Variants in ZNF425 observed in about 807,000 individuals in gnomAD.
ZNF425 encodes zinc finger protein 425.
A neutral mutation model predicts 17.0 loss-of-function variants in ZNF425; 21 were observed. The observed-to-expected ratio is 1.23, with a 90% CI of 0.88 to 1.78. The LOEUF is 1.78. Among genes scored for constraint, ZNF425 ranks in the 40% most tolerant of loss-of-function variants. ZNF425 has a pLI of 0.00. For missense variants in ZNF425, 868 were observed against 967.3 expected (o/e 0.90, Z 1.36); for synonymous variants, 433 against 384.1 (o/e 1.13, Z -1.49).
At chr7:149,118,777 T>G (rs564265240) in intron 1 of ZNF425, 1 of 243,702 alleles carries the variant, frequency 4.1e-6, no homozygotes, top group South Asian at 4.3e-5. Flanking sequence ...ATCCTGCCAC[T>G]GCACTCCAGC....
Position 149,104,142 on chromosome 7 carries a change from T to C in ZNF425, c.1729A>G (p.Arg577Gly), listed in dbSNP as rs1826027789. Residue 577 changes from arginine to glycine, a missense_variant, in exon 4 of 4, where the codon AGG becomes GGG. By Grantham distance (125) the Arg-to-Gly change is moderately radical. Around this residue, in one of 5 missense-constraint regions of ZNF425, gnomAD observed 437 missense variants for 444.2 expected, o/e 0.98. Transcript: ENST00000378061. This position sits in a 1 kb window ranked among gnomAD's most constrained non-coding sequence, Gnocchi z 4.3. Reference sequence around the variant, plus strand: ...CCGCACGCGAAGGGCTTCTCGTCCCTGTGCATCCGCTGGTGGAACTTCATG... The same window carrying C: ...CCGCACGCGAAGGGCTTCTCGTCCCCGTGCATCCGCTGGTGGAACTTCATG... ...ASMKFHQRMH[R>G]DEKPFACGEC... 2 of 1,613,482 alleles carry C rather than the reference T, an allele frequency of 1.2e-6. No individual in the cohort carries two copies. The highest frequency in any genetic ancestry group is 1.7e-6 in the Non-Finnish European group (2 of 1,179,952).
At chr7:149,106,191 G>A (rs1385359652) in intron 3 of ZNF425, among the ~76,000 whole-genome samples, 2 of 146,660 alleles carry the variant, frequency 1.4e-5, no homozygotes, top group African/African-American at 2.5e-5. Flanking sequence ...CTGACCTCCT[G>A]ATCCACCCAC....
intron 3 of ZNF425, 122 bp downstream of exon 3, chr7:149,112,015 A>T: frequency 9.9e-7 from 1 of 1,013,728 alleles, no homozygotes; most frequent in Non-Finnish European, 1.4e-6. Context: ...AAGAAAACTA[A>T]CATTCTCCAT....
chr7:149,119,746 T>C (rs1036883558), intron 1 of ZNF425, among the ~76,000 whole-genome samples: 9 of 152,184 alleles, frequency 5.9e-5, no homozygotes, highest in Non-Finnish European at 1.2e-4. Flanking sequence ...AGACCTCATC[T>C]CTATTAAAAA....
At position 149,104,870 on chromosome 7, in the gene ZNF425, T is replaced by C; in HGVS notation, c.1001A>G (p.Gln334Arg). 6.2e-7 allele frequency: 1 copy of C among 1,613,726 alleles called. No individual in the cohort carries two copies. The highest frequency in any genetic ancestry group is 8.5e-7 in the Non-Finnish European group (1 of 1,179,970). Residue 334 changes from glutamine (Q) to arginine (R), a missense_variant, in exon 4 of 4, where the codon CAG (glutamine) becomes CGG (arginine). Physicochemically the swap from Gln to Arg is conservative, Grantham distance 43 (BLOSUM62 1). Transcript: ENST00000378061. The surrounding 1 kb of genome is among the most constrained non-coding windows in gnomAD (Gnocchi z 4.3). The part of the protein sequence containing the change: ...HSGEKPFQCP[Q>R]CDRCFRLKRG... ...CTTCAGGCGGAAGCACCGGTCACAC[T>C]GCGGACACTGGAAGGGCTTCTCTCC...
At chr7:149,122,582 G>A (rs913551362) in intron 1 of ZNF425, among the ~76,000 whole-genome samples, 1 of 152,096 alleles carries the variant, frequency 6.6e-6, no homozygotes, top group African/African-American at 2.4e-5. Flanking sequence ...TGATTGTGCT[G>A]GTGGTACACC....
intron 2 of ZNF425, among the ~76,000 whole-genome samples, chr7:149,112,952 A>G (rs886972251): frequency 6.9e-6 from 1 of 144,082 alleles, no homozygotes; most frequent in South Asian, 2.2e-4. Context: ...GGGGTGAGCC[A>G]CCGCGCCCAG....
At chr7:149,106,304 C>T (rs376226877) in intron 3 of ZNF425, among the ~76,000 whole-genome samples, 2 of 150,488 alleles carry the variant, frequency 1.3e-5, no homozygotes, top group Non-Finnish European at 3.0e-5. Flanking sequence ...AGTGCGGTGG[C>T]GTGATCTCGG....
In ZNF425 at chr7:149,105,331, G is replaced by A; in HGVS notation, c.540C>T (p.Arg180=). 1 of 1,614,092 alleles carries A rather than the reference G, an allele frequency of 6.2e-7. No homozygotes were observed. The highest frequency in any genetic ancestry group is 2.2e-5 in the East Asian group (1 of 44,880). ...LRHKPRETPG[R]LEIPTGPRCY... ...ATCTTGGCCCTGTGGGAATTTCTAAGCGCCCTGGGGTCTCCCGAGGCTTAT... is the reference window on the plus strand; with the variant it reads ...ATCTTGGCCCTGTGGGAATTTCTAAACGCCCTGGGGTCTCCCGAGGCTTAT... The change falls in exon 4 of 4, where the codon CGC becomes CGT. Residue 180 remains arginine (R), a synonymous_variant. Transcript: ENST00000378061.
rs937373411 is a variant in ZNF425, at chr7:149,103,505, A to G, written c.*107T>C. 1.6e-5 allele frequency: 22 copies of G among 1,379,878 alleles called. No homozygotes were observed. The African/African-American group carries it at 2.6e-4, about 16-fold the overall frequency. 85.5% of individuals were successfully genotyped at this position (1,379,878 alleles called of 1,614,324 possible). A position where few individuals can be genotyped will look rare whatever the true frequency, so the allele number is the denominator to read the frequency against. Reference sequence around the variant, plus strand: ...AGTAATGGGATTACAGGCGGGAGCCACTGTGCCCGATCTTACCCTGTGAAT... The same window carrying G: ...AGTAATGGGATTACAGGCGGGAGCCGCTGTGCCCGATCTTACCCTGTGAAT... On this transcript the variant is annotated 3_prime_UTR_variant, in exon 4 of 4. Coordinates refer to ENST00000378061, the MANE Select transcript of ZNF425 (RefSeq NM_001001661.3).
chr7:149,124,238 C>T (rs1826413994), intron 1 of ZNF425, among the ~76,000 whole-genome samples: 1 of 151,274 alleles, frequency 6.6e-6, no homozygotes, highest in Non-Finnish European at 1.5e-5. Flanking sequence ...TCACTGCAAG[C>T]TCCACCTTCC....
chr7:149,124,825 G>A (rs1826430280), intron 1 of ZNF425, among the ~76,000 whole-genome samples: 1 of 152,222 alleles, frequency 6.6e-6, no homozygotes. Context: ...ACTGGCGTGA[G>A]CCACCACGCC....
intron 2 of ZNF425, among the ~76,000 whole-genome samples, chr7:149,114,734 T>A (rs2129518247): frequency 6.7e-6 from 1 of 149,296 alleles, no homozygotes; most frequent in East Asian, 2.0e-4. Flanking sequence ...GCAGACAAGT[T>A]AAGGATGATA....
intron 2 of ZNF425, among the ~76,000 whole-genome samples, chr7:149,117,250 C>A (rs1386233598): frequency 2.2e-4 from 31 of 143,534 alleles, no homozygotes; most frequent in East Asian, 2.0e-4. Context: ...GACTCCGTCT[C>A]AAAAAAAAAA....
At chr7:149,107,412 A>G (rs1826099631) in intron 3 of ZNF425, among the ~76,000 whole-genome samples, 1 of 151,252 alleles carries the variant, frequency 6.6e-6, no homozygotes, top group South Asian at 2.1e-4. Context: ...ATCTCTGCTC[A>G]CTGCAAGCTC....
rs1826007006 is a variant in ZNF425, at chr7:149,103,326, C to T, written c.*286G>A. On this transcript the variant is annotated 3_prime_UTR_variant, in exon 4 of 4. Coordinates refer to ENST00000378061, the MANE Select transcript of ZNF425 (RefSeq NM_001001661.3). ...CTGCCTCCTGGGCTCAAGCGATCCT[C>T]CTGCCTCAACCTCCCAAAGTAGCTG... The T allele has an allele frequency of 2.8e-6, 1 of 350,950 alleles. No homozygotes were observed. The highest frequency in any genetic ancestry group is 4.4e-5 in the Admixed American group (1 of 22,524). 21.7% of individuals were successfully genotyped at this position (350,950 alleles called of 1,614,324 possible).
In ZNF425 at chr7:149,103,537, A is replaced by C. The variant is rs920491521; in HGVS notation, c.*75T>G. Reference sequence around the variant, plus strand: ...CCGATCTTACCCTGTGAATCCTTCAACCTGCCTCAACTTGAGCCAACAGAG... The same window carrying C: ...CCGATCTTACCCTGTGAATCCTTCACCCTGCCTCAACTTGAGCCAACAGAG... On this transcript the variant is annotated 3_prime_UTR_variant, in exon 4 of 4. Transcript: ENST00000378061. 1 of 1,502,646 alleles carries C rather than the reference A, an allele frequency of 6.7e-7. No homozygotes were observed. The highest frequency in any genetic ancestry group is 8.8e-7 in the Non-Finnish European group (1 of 1,130,030). 93.1% of individuals were successfully genotyped at this position (1,502,646 alleles called of 1,614,324 possible).
chr7:149,114,005 CTCTG>C (rs758882895), intron 2 of ZNF425, among the ~76,000 whole-genome samples: 231 of 110,802 alleles, frequency 2.1e-3, no homozygotes, highest in Non-Finnish European at 3.8e-3. Context: ...TAGAGAGAGA[CTCTG>C]TCTAAAAAAA....
chr7:149,119,674 G>T (rs1826321232), intron 1 of ZNF425, among the ~76,000 whole-genome samples: 1 of 152,138 alleles, frequency 6.6e-6, no homozygotes, highest in African/African-American at 2.4e-5. Context: ...CCAGCACTTT[G>T]GGAGGCTGAG....
Sources: gnomAD v4.1 joint callset for allele counts (sites outside exome capture counted in the v4.1 genomes callset) on GRCh38, gnomAD v4.1.1 for gene constraint, gnomAD v4.1.1 regional missense constraint, Gnocchi (gnomAD v3.1) non-coding constraint, MANE v1.5 for transcripts, NCBI Gene and HGNC (gene_info 2026-07-23, HGNC 2026-07-21) for gene names.